PRSS12: variants seen among roughly 807,000 people sequenced by gnomAD.
PRSS12 encodes the protein serine protease 12.
Under a neutral mutation model 104.4 loss-of-function variants are expected in PRSS12, and 85 were observed. The ratio of observed to expected loss-of-function variants is 0.81; its 90% CI spans 0.68 to 0.98. The LOEUF (loss-of-function observed/expected upper bound fraction) is 0.98, where lower values mean the gene tolerates loss of function less well. Ranked by LOEUF, PRSS12 falls within the 50% of genes least tolerant of loss-of-function variation. The pLI is 0.00. For missense variants in PRSS12, 1,141 were observed against 1,139.2 expected, an observed-to-expected ratio of 1.00 and a Z score of -0.02; for synonymous variants, 454 against 425.2, an observed-to-expected ratio of 1.07 and a Z score of -0.83.
chr4:118,317,151 A>G (rs1282284021), intron 5 of PRSS12, among the ~76,000 whole-genome samples: 1 of 152,108 alleles, frequency 6.6e-6, no homozygotes, highest in Non-Finnish European at 1.5e-5. Flanking sequence ...TTTGTTAGGC[A>G]TTCATGAATT....
chr4:118,300,700 T>C (rs564553982), intron 8 of PRSS12, among the ~76,000 whole-genome samples: 1 of 152,274 alleles, frequency 6.6e-6, no homozygotes, highest in Non-Finnish European at 1.5e-5. Flanking sequence ...TCCTAAAAAC[T>C]ACTCCAAGGA....
chr4:118,348,801 G>A (rs1028411360), intron 1 of PRSS12, among the ~76,000 whole-genome samples: 6 of 151,938 alleles, frequency 3.9e-5, no homozygotes, highest in South Asian at 4.1e-4. Context: ...ACATGCATGT[G>A]CCACCATGCC....
At chr4:118,312,127 T>C (rs1412957228) in intron 7 of PRSS12, among the ~76,000 whole-genome samples, 1 of 152,162 alleles carries the variant, frequency 6.6e-6, no homozygotes, top group Non-Finnish European at 1.5e-5. Flanking sequence ...GCTAGATTAA[T>C]GCAGTGTCAC....
chr4:118,324,558 C>T (rs966545058), intron 4 of PRSS12, among the ~76,000 whole-genome samples: 1 of 152,000 alleles, frequency 6.6e-6, no homozygotes, highest in Admixed American at 6.5e-5. Flanking sequence ...AGCAAAAGTT[C>T]TGGTTAATTG....
At chr4:118,347,074 C>T (rs549167511) in intron 1 of PRSS12, among the ~76,000 whole-genome samples, 3 of 150,628 alleles carry the variant, frequency 2.0e-5, no homozygotes, top group Non-Finnish European at 4.4e-5. Flanking sequence ...TTATTGTCTT[C>T]TCTAAAAAAA....
Position 118,298,863 on chromosome 4 carries a change from G to A in PRSS12, c.1707C>T (p.Cys569=). 6.2e-7 allele frequency: 1 copy of A among 1,614,086 alleles called. No individual in the cohort carries two copies. Among genetic ancestry groups the A allele is most frequent in the Non-Finnish European group, 8.5e-7 (1 of 1,180,032 alleles). The change falls in exon 9 of 13, where the codon TGC becomes TGT. Residue 569 remains cysteine, a synonymous_variant. Transcript: ENST00000296498. ...KGPIHVDNVK[C]TGNERSLADC... ...CAGCCAAGGACCTCTCATTTCCTGT[G>A]CACTTCACATTATCCACATGGATGG... is the stretch of plus-strand genomic sequence containing the variant.
In PRSS12 at chr4:118,321,023, T is replaced by C. The variant is rs17049719; in HGVS notation, c.972-2467A>G. 5.1e-3 allele frequency among the ~76,000 whole-genome samples: 777 copies of C among 152,312 alleles called. 5 individuals are homozygous for C. The highest frequency in any genetic ancestry group is 0.018 in the African/African-American group (737 of 41,564). Reference sequence around the variant, plus strand: ...CTGATACTTGTAACACAGTGGACTCTGAGCAATCTGCCCCAACAAAAATTA... The same window carrying C: ...CTGATACTTGTAACACAGTGGACTCCGAGCAATCTGCCCCAACAAAAATTA... On this transcript the variant is annotated intron_variant, in intron 4 of 12. Transcript: ENST00000296498.
chr4:118,352,206 C>T lies in PRSS12; in HGVS notation c.502+13G>A. 1 of 1,610,974 alleles carries T rather than the reference C, an allele frequency of 6.2e-7. No homozygotes were observed. Among genetic ancestry groups the T allele is most frequent in the Non-Finnish European group, 8.5e-7 (1 of 1,179,478 alleles). On this transcript the variant is annotated intron_variant, in intron 1 of 12. Transcript: ENST00000296498. ...CCGTCCGGAGTTTCCGCGGCCGCCC[C>T]GAGGCCACTAACCGTGTCTGCAGTC...
intron 1 of PRSS12, among the ~76,000 whole-genome samples, chr4:118,338,656 A>G (rs1221042784): frequency 6.6e-6 from 1 of 152,220 alleles, no homozygotes; most frequent in African/African-American, 2.4e-5. Context: ...AGAATGACTA[A>G]TATCAGATCT....
intron 7 of PRSS12, among the ~76,000 whole-genome samples, chr4:118,312,366 A>G (rs1477659350): frequency 6.6e-6 from 1 of 152,116 alleles, no homozygotes; most frequent in East Asian, 1.9e-4. Flanking sequence ...ACATACACAC[A>G]CACACACACG....
rs1160654949 is a variant in PRSS12, at chr4:118,352,426, A to G, written c.295T>C (p.Trp99Arg). The G allele has an allele frequency of 1.3e-6, 2 of 1,509,552 alleles. No homozygotes were observed. The highest frequency in any genetic ancestry group is 8.8e-7 in the Non-Finnish European group (1 of 1,132,968). 93.5% of individuals were successfully genotyped at this position (1,509,552 alleles called of 1,614,324 possible). ...HPWGCPAGEP[W>R]VSVTDFGAPC... ...GCGCCGAAGTCCGTCACGCTGACCC[A>G]TGGCTCGCCGGCGGGGCAGCCCCAG... Residue 99 changes from tryptophan (W) to arginine (R), a missense_variant, in exon 1 of 13, where the codon TGG becomes CGG. Coordinates refer to ENST00000296498, the MANE Select transcript of PRSS12 (RefSeq NM_003619.4).
chr4:118,348,960 A>T (rs1381252296), intron 1 of PRSS12, among the ~76,000 whole-genome samples: 1 of 151,856 alleles, frequency 6.6e-6, no homozygotes, highest in Admixed American at 6.6e-5. Flanking sequence ...CCCTAGAATG[A>T]TTCTTTAGTA....
chr4:118,340,156 C>A (rs1724165356), intron 1 of PRSS12, among the ~76,000 whole-genome samples: 1 of 152,090 alleles, frequency 6.6e-6, no homozygotes. Context: ...ATAATTATGA[C>A]CATAACAATA....
intron 3 of PRSS12, among the ~76,000 whole-genome samples, chr4:118,334,155 C>T (rs1724004378): frequency 6.6e-6 from 1 of 152,030 alleles, no homozygotes; most frequent in Non-Finnish European, 1.5e-5. Context: ...TTTAATCTAC[C>T]ACGAGAGAAT....
rs771773457 is a variant in PRSS12, at chr4:118,331,711, C to T, written c.971+5G>A. The T allele has an allele frequency of 1.8e-5, 29 of 1,614,046 alleles. No homozygotes were observed. The highest frequency in any genetic ancestry group is 2.5e-5 in the Non-Finnish European group (29 of 1,179,982). ...TTAAGCAAAACAAGAGTAGTAAAAA[C>T]AAACCTGAGGCCCAGCTGCCTGCAG... On this transcript the variant is annotated splice_donor_5th_base_variant and intron_variant, in intron 4 of 12. Coordinates refer to ENST00000296498, the MANE Select transcript of PRSS12 (RefSeq NM_003619.4).
At chr4:118,288,684 G>C (rs143404564) in intron 11 of PRSS12, among the ~76,000 whole-genome samples, 1 of 152,318 alleles carries the variant, frequency 6.6e-6, no homozygotes, top group African/African-American at 2.4e-5. Flanking sequence ...TTAATATTCA[G>C]GAATTTTTGT....
rs1389957032 is a variant in PRSS12, at chr4:118,281,540, G to T, written c.*396C>A. 3.6e-6 allele frequency: 1 copy of T among 277,756 alleles called. No individual in the cohort carries two copies. Among genetic ancestry groups the T allele is most frequent in the Non-Finnish European group, 7.1e-6 (1 of 141,582 alleles). 17.2% of individuals were successfully genotyped at this position (277,756 alleles called of 1,614,324 possible). On this transcript the variant is annotated 3_prime_UTR_variant, in exon 13 of 13. Transcript: ENST00000296498. ...TATGCCACTCATGAGTGTAGTAAAG[G>T]GTACCGCATTTATGTCAAATGTGGG...
intron 1 of PRSS12, among the ~76,000 whole-genome samples, chr4:118,344,838 T>C (rs1161303609): frequency 2.0e-5 from 3 of 152,186 alleles, no homozygotes; most frequent in Admixed American, 6.5e-5. Context: ...TAAGCTATAG[T>C]AGGCTAACAA....
chr4:118,295,079 T>C lies in PRSS12; in HGVS notation c.1917-18A>G. On this transcript the variant is annotated intron_variant, in intron 10 of 12. Transcript: ENST00000296498. ...AACCACCCCTAAGAAGAAAATGAGCTACACATCAACGTCAGTAAAAGGCAA... is the reference window on the plus strand; with the variant it reads ...AACCACCCCTAAGAAGAAAATGAGCCACACATCAACGTCAGTAAAAGGCAA... 1 of 1,613,154 alleles carries C rather than the reference T, an allele frequency of 6.2e-7. No homozygotes were observed. Among genetic ancestry groups the C allele is most frequent in the Non-Finnish European group, 8.5e-7 (1 of 1,179,708 alleles).
Sources: gnomAD v4.1 joint callset for allele counts (sites outside exome capture counted in the v4.1 genomes callset) on GRCh38, gnomAD v4.1.1 for gene constraint, MANE v1.5 for transcripts, NCBI Gene and HGNC (gene_info 2026-07-23, HGNC 2026-07-21) for gene names.